PCNX1: variants seen among roughly 807,000 people sequenced by gnomAD.
PCNX1 encodes pecanex 1.
In PCNX1, 78 loss-of-function variants were observed where a neutral mutation model predicts 242.2. That is an observed-to-expected ratio of 0.32 (90% CI 0.27 to 0.39). The LOEUF is 0.39. PCNX1 is among the 10% of genes least tolerant of loss of function. The pLI, the probability that PCNX1 is intolerant of heterozygous loss-of-function variation, is 1.00. For synonymous variants in PCNX1, 1,024 were observed against 1,032.9 expected (o/e 0.99, Z 0.17); for missense variants, 2,581 against 2,856.5 (o/e 0.90, Z 2.20).
intron 13 of PCNX1, 72 bp downstream of exon 13, chr14:71,023,304 T>G: frequency 8.2e-7 from 1 of 1,217,836 alleles, no homozygotes; most frequent in Non-Finnish European, 1.2e-6. Flanking sequence ...GTTTGTTTTT[T>G]GTTTTTTTGT....
intron 8 of PCNX1, among the ~76,000 whole-genome samples, chr14:70,999,945 G>A (rs17093725): frequency 1.6e-3 from 248 of 152,078 alleles, no homozygotes; most frequent in African/African-American, 5.7e-3. Flanking sequence ...GGACTGTAAG[G>A]GATCTTAGAG....
rs2062752977 is a variant in PCNX1 at position 71,111,488 on chromosome 14, A to G, written c.*1553A>G. 6.6e-6 allele frequency: 1 copy of G among 152,448 alleles called. No individual in the cohort carries two copies. Among genetic ancestry groups the G allele is most frequent in the African/African-American group, 2.4e-5 (1 of 41,466 alleles). 9.4% of individuals were successfully genotyped at this position (152,448 alleles called of 1,614,324 possible). A position where few individuals can be genotyped will look rare whatever the true frequency, so the allele number is the denominator to read the frequency against. On this transcript the variant is annotated 3_prime_UTR_variant, in exon 36 of 36. Transcript: ENST00000304743. ...TATTTCATCATATGTCACTAGCCAT[A>G]TTTCAAGTACTCAATAGCTACATGT... is the stretch of plus-strand genomic sequence containing the variant.
At chr14:71,041,830 C>G (rs1228185740) in intron 19 of PCNX1, among the ~76,000 whole-genome samples, 2 of 131,596 alleles carry the variant, frequency 1.5e-5, no homozygotes, top group Admixed American at 1.5e-4. Context: ...ATACTATACA[C>G]TTCCCTTTAG....
In PCNX1 at chr14:71,026,854, A is replaced by G; in HGVS notation, c.3438A>G (p.Gln1146=). Residue 1146 remains glutamine (Q), a synonymous_variant, in exon 15 of 36, where the codon CAA becomes CAG. Coordinates refer to ENST00000304743, the MANE Select transcript of PCNX1 (RefSeq NM_014982.3). ...CATTTGTAATGTACCTTTGTGAACA[A>G]TTGGATATTCATATTTTTGGTGGTA... ...VNTFVMYLCE[Q]LDIHIFGGNA... 6.5e-7 allele frequency: 1 copy of G among 1,549,700 alleles called. No individual in the cohort carries two copies. The highest frequency in any genetic ancestry group is 1.7e-4 in the Middle Eastern group (1 of 5,888).
chr14:70,984,717 G>T (rs952049134), intron 6 of PCNX1, among the ~76,000 whole-genome samples: 4 of 152,048 alleles, frequency 2.6e-5, no homozygotes, highest in Admixed American at 1.3e-4. Flanking sequence ...CTTTATCTGT[G>T]TGTATTTATA....
At position 71,073,816 on chromosome 14, in the gene PCNX1, C is replaced by G; in HGVS notation, c.5106+18C>G. On this transcript the variant is annotated intron_variant, in intron 27 of 35. Transcript: ENST00000304743. Reference sequence around the variant, plus strand: ...ATGTCAAGGTAGGAGTATGTGCCTACTTAGATCTTTAGATAATCAGAGTTT... The same window carrying G: ...ATGTCAAGGTAGGAGTATGTGCCTAGTTAGATCTTTAGATAATCAGAGTTT... The G allele has an allele frequency of 6.5e-7, 1 of 1,541,716 alleles. No individual in the cohort carries two copies. Among genetic ancestry groups the G allele is most frequent in the Non-Finnish European group, 8.8e-7 (1 of 1,141,490 alleles).
chr14:70,921,999 G>A (rs1182927950), intron 1 of PCNX1, among the ~76,000 whole-genome samples: 1 of 152,158 alleles, frequency 6.6e-6, no homozygotes, highest in Non-Finnish European at 1.5e-5. Context: ...CAGTCACTGT[G>A]CTGGGAGGTC....
chr14:70,986,501 T>G (rs2059006551), intron 6 of PCNX1, among the ~76,000 whole-genome samples: 1 of 152,174 alleles, frequency 6.6e-6, no homozygotes, highest in South Asian at 2.1e-4. Flanking sequence ...AAGTGGACAC[T>G]GTAGTTTGTC....
At chr14:71,018,563 A>G (rs2060017262) in intron 11 of PCNX1, among the ~76,000 whole-genome samples, 1 of 152,170 alleles carries the variant, frequency 6.6e-6, no homozygotes, top group Non-Finnish European at 1.5e-5. Context: ...TAGTGCCAGA[A>G]TTTTGTTACT....
chr14:71,061,923 GAAA>G (rs1241107846), intron 26 of PCNX1, among the ~76,000 whole-genome samples: 1 of 152,088 alleles, frequency 6.6e-6, no homozygotes, highest in Non-Finnish European at 1.5e-5. Flanking sequence ...AGCTAGAGAA[GAAA>G]AAGAAGAAAC....
In PCNX1 at chr14:70,977,739, A is replaced by G. The variant is rs763092740; in HGVS notation, c.1402A>G (p.Lys468Glu). ...TACCAACAGTGGGGTTCACGAGGCC[A>G]AGGACCCCACCCCCTCTGATGAGAT... The part of the protein sequence containing the change: ...ASTNSGVHEA[K>E]DPTPSDEMHN... Residue 468 changes from lysine (K) to glutamate (E), a missense_variant, in exon 6 of 36, where the codon AAG (lysine) becomes GAG (glutamate). Coordinates refer to ENST00000304743, the MANE Select transcript of PCNX1 (RefSeq NM_014982.3). The G allele has an allele frequency of 3.1e-6, 5 of 1,614,146 alleles. No individual in the cohort carries two copies. In the African/African-American group the frequency reaches 6.7e-5, roughly 22 times the overall value.
rs774060335 is a variant in PCNX1 at position 71,103,590 on chromosome 14, C to G, written c.6016C>G (p.His2006Asp). ...CCTGACAACTTCTTACTCTGACAGC[C>G]ACGAACAGCTTAAAGACATTCTTGG... ...SPLTTSYSDS[H>D]EQLKDILGGP... Residue 2006 changes from histidine to aspartate, a missense_variant, in exon 32 of 36, where the codon CAC becomes GAC. Physicochemically the swap from His to Asp is moderately conservative, Grantham distance 81 (BLOSUM62 -1). Coordinates refer to ENST00000304743, the MANE Select transcript of PCNX1 (RefSeq NM_014982.3). 3 of 1,614,078 alleles carry G rather than the reference C, an allele frequency of 1.9e-6. No individual in the cohort carries two copies. In the Admixed American group the frequency reaches 5.0e-5, roughly 27 times the overall value.
rs183309460 is a variant in PCNX1 at position 71,031,465 on chromosome 14, T to G, written c.3559-1964T>G. Among the ~76,000 whole-genome samples the G allele has an allele frequency of 3.9e-5, 6 of 152,294 alleles. No homozygotes were observed. The East Asian group carries it at 1.2e-3, about 29-fold the overall frequency. On this transcript the variant is annotated intron_variant, in intron 16 of 35. Transcript: ENST00000304743. ...CAGAAGCCCTGGCACAGGACCTTCCTTCCTGCCCTCCCATTCTCCCGTCAG... is the reference window on the plus strand; with the variant it reads ...CAGAAGCCCTGGCACAGGACCTTCCGTCCTGCCCTCCCATTCTCCCGTCAG...
At chr14:71,072,677 A>T (rs2061614113) in intron 26 of PCNX1, among the ~76,000 whole-genome samples, 1 of 152,236 alleles carries the variant, frequency 6.6e-6, no homozygotes, top group African/African-American at 2.4e-5. Flanking sequence ...CTGTACAGTT[A>T]AGTATGATTA....
At chr14:70,934,007 CA>C (rs1384680208) in intron 1 of PCNX1, among the ~76,000 whole-genome samples, 1 of 152,188 alleles carries the variant, frequency 6.6e-6, no homozygotes, top group Non-Finnish European at 1.5e-5. Context: ...CAATCCAAAA[CA>C]AAACCTTTAC....
At position 71,047,028 on chromosome 14, in the gene PCNX1, A is replaced by T. The variant is rs145848212; in HGVS notation, c.4083A>T (p.Ile1361=). ...HVWLLFVEKN[I]IYPLIVLNEL... is the part of the protein sequence containing the mutation. ...GGCTTCTTTTTGTGGAGAAGAATAT[A>T]ATCTATCCATTGATTGTTCTCAATG... The change falls in exon 21 of 36, where the codon ATA becomes ATT. Residue 1361 remains isoleucine, a synonymous_variant. Coordinates refer to ENST00000304743, the MANE Select transcript of PCNX1 (RefSeq NM_014982.3). 3.4e-4 allele frequency: 554 copies of T among 1,610,962 alleles called. 3 individuals carry two copies. The African/African-American group carries it at 6.2e-3, about 18-fold the overall frequency.
chr14:70,948,104 G>C (rs2057532745), intron 2 of PCNX1, among the ~76,000 whole-genome samples: 1 of 152,158 alleles, frequency 6.6e-6, no homozygotes, highest in Non-Finnish European at 1.5e-5. Flanking sequence ...TGCATAGCGG[G>C]ACAGTGAACC....
intron 1 of PCNX1, among the ~76,000 whole-genome samples, chr14:70,930,128 T>C (rs10220406): frequency 1.6e-3 from 247 of 152,134 alleles, no homozygotes; most frequent in African/African-American, 5.7e-3. Context: ...TGTGTGTATG[T>C]GTGTATGTGT....
At position 70,977,248 on chromosome 14, in the gene PCNX1, A is replaced by T. The variant is rs766124242; in HGVS notation, c.911A>T (p.Tyr304Phe). ...PDTSLNDFPLYQQRRGLDPVS... is the reference protein window; with the variant it reads ...PDTSLNDFPLFQQRRGLDPVS... ...ACTTCACTGAATGATTTTCCCCTTT[A>T]TCAGCAAAGACGTGGATTAGATCCA... The change falls in exon 6 of 36, where the codon TAT becomes TTT. Residue 304 changes from tyrosine (Y) to phenylalanine (F), a missense_variant. Transcript: ENST00000304743. The T allele has an allele frequency of 8.7e-6, 14 of 1,614,146 alleles. No individual in the cohort carries two copies. Among genetic ancestry groups the T allele is most frequent in the African/African-American group, 1.3e-5 (1 of 75,028 alleles).
Sources: allele counts gnomAD v4.1 joint callset (sites outside exome capture counted in the v4.1 genomes callset), GRCh38; gene constraint gnomAD v4.1.1; transcripts MANE v1.5; gene names NCBI Gene and HGNC (gene_info 2026-07-23, HGNC 2026-07-21).